Variants in RARB observed in about 807,000 individuals in gnomAD.
The protein encoded by RARB is retinoic acid receptor beta.
In RARB, 17 loss-of-function variants were observed where a neutral mutation model predicts 51.9. The observed-to-expected ratio is 0.33, with a 90% CI of 0.22 to 0.49. The LOEUF is 0.49. RARB is among the 20% of genes least tolerant of loss of function. RARB has a pLI of 0.99. For missense variants in RARB, 369 were observed against 550.8 expected (o/e 0.67, Z 3.30); for synonymous variants, 215 against 195.4 (o/e 1.10, Z -0.84).
At chr3:25,458,707 A>G (rs1048144718) in intron 1 of RARB, among the ~76,000 whole-genome samples, 1 of 152,224 alleles carries the variant, frequency 6.6e-6, no homozygotes, top group Non-Finnish European at 1.5e-5. Flanking sequence ...AGTAAAGACT[A>G]TAATAGATTT....
At chr3:25,432,595 C>T (rs780822308) in intron 1 of RARB, among the ~76,000 whole-genome samples, 17 of 152,082 alleles carry the variant, frequency 1.1e-4, no homozygotes, top group Non-Finnish European at 2.2e-4. Context: ...GCACTTTTCT[C>T]TAAAGCGTAA....
chr3:25,111,202 ATATATT>A (rs748381151), intron 3 of RARB, among the ~76,000 whole-genome samples: 1 of 152,210 alleles, frequency 6.6e-6, no homozygotes, highest in East Asian at 1.9e-4. Flanking sequence ...TTATTAAGAG[ATATATT>A]TATATAAAGC....
intron 6 of RARB, 99 bp from the exon 7 acceptor site, chr3:25,594,421 C>A: frequency 8.0e-7 from 1 of 1,251,218 alleles, no homozygotes; most frequent in African/African-American, 1.5e-5. Flanking sequence ...ATTGAATTAC[C>A]AAATTAATGA....
chr3:25,060,299 T>A (rs1698523149), intron 3 of RARB: 1 of 151,876 alleles, frequency 6.6e-6, no homozygotes, highest in Admixed American at 6.6e-5. Flanking sequence ...AAAGTCCTTA[T>A]TATATACACA....
chr3:25,211,777 T>A (rs1423763401), intron 5 of RARB, among the ~76,000 whole-genome samples: 2 of 152,194 alleles, frequency 1.3e-5, no homozygotes, highest in Non-Finnish European at 2.9e-5. Flanking sequence ...AATATGTACA[T>A]CTGTGTTCTA....
chr3:25,541,229 T>C (rs1467519006), intron 3 of RARB, among the ~76,000 whole-genome samples: 1 of 152,228 alleles, frequency 6.6e-6, no homozygotes, highest in Admixed American at 6.5e-5. Context: ...TTAGCCACTC[T>C]AGTGGCCCTG....
At chr3:25,463,881 T>C (rs1695307656) in intron 2 of RARB, among the ~76,000 whole-genome samples, 1 of 152,172 alleles carries the variant, frequency 6.6e-6, no homozygotes, top group Non-Finnish European at 1.5e-5. Context: ...CTCCAGTAGA[T>C]TCTGACATGG....
intron 1 of RARB, among the ~76,000 whole-genome samples, chr3:24,833,803 G>T (rs556089530): frequency 4.9e-4 from 75 of 152,278 alleles, no homozygotes; most frequent in African/African-American, 1.7e-3. Context: ...TGCCAGTATT[G>T]GTGGATTATA....
intron 5 of RARB, among the ~76,000 whole-genome samples, chr3:25,367,265 G>C (rs1035660775): frequency 1.3e-5 from 2 of 152,142 alleles, no homozygotes; most frequent in Non-Finnish European, 2.9e-5. Context: ...TAGCATTTGA[G>C]CAATCTCCTC....
intron 2 of RARB, among the ~76,000 whole-genome samples, chr3:25,463,100 TG>T (rs1270959522): frequency 1.3e-5 from 2 of 152,164 alleles, no homozygotes; most frequent in Admixed American, 6.5e-5. Context: ...CTCGAATTCC[TG>T]GGCTCAAGTG....
upstream of RARB, among the ~76,000 whole-genome samples, chr3:25,423,467 A>T (rs1707911684): frequency 6.6e-6 from 1 of 152,256 alleles, no homozygotes; most frequent in Admixed American, 6.5e-5. Context: ...TTGCAGAGCA[A>T]TATGTATCAT....
At chr3:25,148,493 C>T (rs938429446) in intron 4 of RARB, among the ~76,000 whole-genome samples, 3 of 152,162 alleles carry the variant, frequency 2.0e-5, no homozygotes, top group Non-Finnish European at 4.4e-5. Flanking sequence ...GCTTTCTCTA[C>T]TGGATCTTCT....
At chr3:24,896,194 C>T (rs1296523184) in intron 2 of RARB, among the ~76,000 whole-genome samples, 1 of 152,072 alleles carries the variant, frequency 6.6e-6, no homozygotes, top group African/African-American at 2.4e-5. Context: ...TCATGGTTAC[C>T]ACAGGCTGGA....
At chr3:25,249,949 T>C (rs1480323072) in intron 5 of RARB, among the ~76,000 whole-genome samples, 2 of 62,314 alleles carry the variant, frequency 3.2e-5, no homozygotes, top group East Asian at 7.1e-4. Flanking sequence ...CCAGGTGGCT[T>C]TCTCTGGTGC....
At chr3:24,901,733 C>G (rs1457101110) in intron 2 of RARB, among the ~76,000 whole-genome samples, 4 of 152,148 alleles carry the variant, frequency 2.6e-5, no homozygotes, top group Non-Finnish European at 5.9e-5. Context: ...CCCAGCTCAC[C>G]TTAGTTCAGA....
At chr3:25,438,484 G>A (rs570000024) in intron 1 of RARB, among the ~76,000 whole-genome samples, 1 of 152,204 alleles carries the variant, frequency 6.6e-6, no homozygotes, top group Admixed American at 6.5e-5. Flanking sequence ...TTTTTTGGTT[G>A]GTTCCATGTT....
At chr3:24,966,638 C>CTCTCTCTG (rs1553618449) in intron 2 of RARB, among the ~76,000 whole-genome samples, 11 of 150,578 alleles carry the variant, frequency 7.3e-5, no homozygotes, top group African/African-American at 2.7e-4. Context: ...CTCTCTCTCT[C>CTCTCTCTG]TCTCTCTGAA....
At chr3:25,449,583 A>G (rs1709100037) in intron 1 of RARB, among the ~76,000 whole-genome samples, 2 of 152,188 alleles carry the variant, frequency 1.3e-5, no homozygotes, top group South Asian at 4.2e-4. Flanking sequence ...TTCTCTCAAC[A>G]TGGGGGTCAG....
chr3:25,093,194 G>A (rs563431036), intron 3 of RARB, among the ~76,000 whole-genome samples: 1 of 152,050 alleles, frequency 6.6e-6, no homozygotes, highest in African/African-American at 2.4e-5. Context: ...TTTATTTTTT[G>A]TTCAATGATC....
Sources: allele counts gnomAD v4.1 joint callset (sites outside exome capture counted in the v4.1 genomes callset), GRCh38; gene constraint gnomAD v4.1.1; transcripts MANE v1.5; gene names NCBI Gene and HGNC (gene_info 2026-07-23, HGNC 2026-07-21).